NDUFA13: variants seen among roughly 807,000 people sequenced by gnomAD.
NDUFA13 encodes NADH:ubiquinone oxidoreductase subunit A13.
Under a neutral mutation model 17.0 loss-of-function variants are expected in NDUFA13, and 16 were observed. That is an observed-to-expected ratio of 0.94 (90% CI 0.64 to 1.43). The LOEUF is 1.43. NDUFA13 is among the 40% of genes most tolerant of loss of function. The pLI, the probability that NDUFA13 is intolerant of heterozygous loss-of-function variation, is 0.00. For synonymous variants in NDUFA13, 87 were observed against 78.4 expected, an observed-to-expected ratio of 1.11 and a Z score of -0.58; for missense variants, 228 against 206.7, an observed-to-expected ratio of 1.10 and a Z score of -0.63.
chr19:19,527,312 A>G lies in NDUFA13; in HGVS notation c.205A>G (p.Ile69Val), dbSNP rs368665873. Reference protein sequence around the residue: ...RLQIEDFEARIALLPLLQAET... With the variant: ...RLQIEDFEARVALLPLLQAET... ...ACAAATCGAGGACTTCGAGGCTCGC[A>G]TCGCGCTGTTGCCACTGTTACAGGC... Residue 69 changes from isoleucine (I) to valine (V), a missense_variant, in exon 3 of 5, where the codon ATC becomes GTC. Physicochemically the swap from Ile to Val is conservative, Grantham distance 29. Transcript: ENST00000507754. 1.5e-5 allele frequency: 25 copies of G among 1,613,850 alleles called. No individual in the cohort carries two copies. The highest frequency in any genetic ancestry group is 2.0e-5 in the Non-Finnish European group (24 of 1,180,026).
rs1004673248 is a variant in NDUFA13 at position 19,516,616 on chromosome 19, C to T, written c.94+284C>T. 2.6e-5 allele frequency among the ~76,000 whole-genome samples: 4 copies of T among 152,220 alleles called. No individual in the cohort carries two copies. The East Asian group carries it at 7.7e-4, about 29-fold the overall frequency. ...GCCTGTGCTCTGGCCCTCAGCCACCCTTGGATTTCTAAGATGGGGAAACTG... is the reference window on the plus strand; with the variant it reads ...GCCTGTGCTCTGGCCCTCAGCCACCTTTGGATTTCTAAGATGGGGAAACTG... On this transcript the variant is annotated intron_variant, in intron 1 of 4. Coordinates refer to ENST00000507754, the MANE Select transcript of NDUFA13 (RefSeq NM_015965.7).
At chr19:19,524,205 AC>A (rs1359712845) in intron 1 of NDUFA13, among the ~76,000 whole-genome samples, 1 of 152,136 alleles carries the variant, frequency 6.6e-6, no homozygotes, top group African/African-American at 2.4e-5. Flanking sequence ...TAAGGCACAG[AC>A]TCTGAGGCCT....
intron 4 of NDUFA13, 34 bp from the exon 5 acceptor site, chr19:19,527,973 C>T (rs767974453): frequency 2.1e-5 from 33 of 1,606,884 alleles, no homozygotes; most frequent in Non-Finnish European, 2.8e-5. Flanking sequence ...ATATGGGTGG[C>T]TGTGCCTCTA....
intron 1 of NDUFA13, among the ~76,000 whole-genome samples, chr19:19,519,407 C>T (rs946397133): frequency 2.0e-5 from 3 of 152,170 alleles, no homozygotes; most frequent in Non-Finnish European, 4.4e-5. Context: ...AGTGGCCCCC[C>T]CTGTGCCAGA....
At chr19:19,526,337 C>G in intron 2 of NDUFA13, 77 bp downstream of exon 2, 1 of 1,524,156 alleles carries the variant, frequency 6.6e-7, no homozygotes, top group Non-Finnish European at 9.0e-7. Context: ...CCGCTGTTGT[C>G]TGTGCTGGCG....
At chr19:19,524,278 A>G (rs966406297) in intron 1 of NDUFA13, among the ~76,000 whole-genome samples, 1 of 152,244 alleles carries the variant, frequency 6.6e-6, no homozygotes, top group African/African-American at 2.4e-5. Context: ...GCATGCAAAT[A>G]CAAGAGGCCC....
intron 1 of NDUFA13, 33 bp downstream of exon 1, chr19:19,516,365 C>T (rs1250169812): frequency 6.2e-7 from 1 of 1,609,452 alleles, no homozygotes. Flanking sequence ...GTCTCAGAGT[C>T]TGGGCACTCG....
chr19:19,521,521 T>C (rs572138017), intron 1 of NDUFA13, among the ~76,000 whole-genome samples: 2 of 152,296 alleles, frequency 1.3e-5, no homozygotes, highest in Non-Finnish European at 2.9e-5. Context: ...TTTGCATGTG[T>C]TTATTGGCCA....
intron 4 of NDUFA13, 76 bp from the exon 5 acceptor site, chr19:19,527,931 C>G (rs1235778434): frequency 1.3e-6 from 2 of 1,571,678 alleles, no homozygotes; most frequent in East Asian, 2.2e-5. Context: ...ACAGGGGCCA[C>G]TGATCCTGGG....
At chr19:19,516,459 C>A in intron 1 of NDUFA13, 127 bp downstream of exon 1, 2 of 994,412 alleles carry the variant, frequency 2.0e-6, no homozygotes, top group Non-Finnish European at 3.1e-6. Flanking sequence ...GGGGATCCAT[C>A]ATAGCTTCTG....
At position 19,516,329 on chromosome 19, in the gene NDUFA13, T is replaced by G. The variant is rs991529032; in HGVS notation, c.91T>G (p.Ser31Ala). The change falls in exon 1 of 5, where the codon TCG becomes GCG. Residue 31 changes from serine (S) to alanine (A), a missense_variant. Transcript: ENST00000507754. ...YKRNLPRRGL[S>A]GYSMLAIGIG... ...ACGGAACTTGCCGCGTCGAGGACTG[T>G]CGGGTCAGTATCACTCTGCGCCGGG... 3 of 1,613,252 alleles carry G rather than the reference T, an allele frequency of 1.9e-6. No individual in the cohort carries two copies. The highest frequency in any genetic ancestry group is 8.5e-7 in the Non-Finnish European group (1 of 1,179,976).
chr19:19,524,544 G>A, intron 1 of NDUFA13, among the ~76,000 whole-genome samples: 1 of 152,188 alleles, frequency 6.6e-6, no homozygotes, highest in East Asian at 1.9e-4. Flanking sequence ...ATATGGCCGG[G>A]CACGGTGGCT....
intron 1 of NDUFA13, among the ~76,000 whole-genome samples, chr19:19,517,304 C>T (rs892032427): frequency 2.6e-5 from 4 of 151,478 alleles, no homozygotes; most frequent in African/African-American, 9.7e-5. Flanking sequence ...TTCTTGGCAA[C>T]CTCCGCCTCC....
intron 1 of NDUFA13, among the ~76,000 whole-genome samples, chr19:19,518,729 ATTTTTTTTTTT>A (rs566386690): frequency 4.4e-4 from 15 of 34,128 alleles, no homozygotes; most frequent in African/African-American, 7.3e-4. Flanking sequence ...ATGCCCTGCG[ATTTTTTTTTTT>A]TTTTTTTTTT....
chr19:19,523,684 T>TG (rs2061088493), intron 1 of NDUFA13, among the ~76,000 whole-genome samples: 1 of 152,032 alleles, frequency 6.6e-6, no homozygotes, highest in African/African-American at 2.4e-5. Flanking sequence ...CCTAGCACTT[T>TG]GGGAGGCCGA....
chr19:19,520,050 C>T (rs567954393), intron 1 of NDUFA13, among the ~76,000 whole-genome samples: 118 of 149,348 alleles, frequency 7.9e-4, no homozygotes, highest in Non-Finnish European at 1.3e-3. Context: ...TCTCAGCTCA[C>T]TGCAAGGATG....
intron 2 of NDUFA13, 120 bp from the exon 3 acceptor site, chr19:19,527,161 T>G: frequency 9.0e-5 from 42 of 465,198 alleles, no homozygotes; most frequent in Non-Finnish European, 1.2e-4. Flanking sequence ...GCCCCCTGCC[T>G]GCCTCCCCGC....
intron 2 of NDUFA13, chr19:19,526,561 A>C (rs1027973819): frequency 2.3e-6 from 1 of 437,254 alleles, no homozygotes. Flanking sequence ...TCGCCACCCC[A>C]AAAAATGTGT....
intron 3 of NDUFA13, 99 bp from the exon 4 acceptor site, chr19:19,527,600 CAG>C: frequency 9.6e-7 from 1 of 1,043,780 alleles, no homozygotes; most frequent in South Asian, 1.4e-5. Flanking sequence ...GAAAAGGAGA[CAG>C]GGTCGGAGGG....
Sources: gnomAD v4.1 joint callset for allele counts (sites outside exome capture counted in the v4.1 genomes callset) on GRCh38, gnomAD v4.1.1 for gene constraint, MANE v1.5 for transcripts, NCBI Gene and HGNC (gene_info 2026-07-23, HGNC 2026-07-21) for gene names.